BMPR1A: variants seen among roughly 807,000 people sequenced by gnomAD.
BMPR1A encodes bone morphogenetic protein receptor type-1A.
In BMPR1A, 7 loss-of-function variants were observed where a neutral mutation model predicts 66.0. That is an observed-to-expected ratio of 0.11 (90% CI 0.06 to 0.20). The LOEUF (loss-of-function observed/expected upper bound fraction) is 0.20, where lower values mean the gene tolerates loss of function less well. Ranked by LOEUF, BMPR1A falls within the 10% of genes least tolerant of loss-of-function variation. BMPR1A has a pLI of 1.00. For missense variants in BMPR1A, 408 were observed against 669.1 expected, an observed-to-expected ratio of 0.61 and a Z score of 4.31; for synonymous variants, 200 against 229.7, an observed-to-expected ratio of 0.87 and a Z score of 1.17.
chr10:86,784,154 A>G (rs1369936905), intron 1 of BMPR1A, among the ~76,000 whole-genome samples: 1 of 151,996 alleles, frequency 6.6e-6, no homozygotes, highest in Non-Finnish European at 1.5e-5. Context: ...AGAAGTGGTG[A>G]GAGTGGACTT....
intron 1 of BMPR1A, among the ~76,000 whole-genome samples, chr10:86,829,635 T>C (rs1842241529): frequency 6.6e-6 from 1 of 152,366 alleles, no homozygotes; most frequent in East Asian, 1.9e-4. Flanking sequence ...CTCTATGATG[T>C]TGACATTTCG....
At chr10:86,882,076 A>G (rs943069152) in intron 3 of BMPR1A, among the ~76,000 whole-genome samples, 2 of 152,056 alleles carry the variant, frequency 1.3e-5, no homozygotes, top group Admixed American at 1.3e-4. Context: ...CTTCATAATT[A>G]TATGAAAGGG....
chr10:86,809,335 G>A (rs1035709804), intron 1 of BMPR1A, among the ~76,000 whole-genome samples: 1 of 151,116 alleles, frequency 6.6e-6, no homozygotes, highest in Non-Finnish European at 1.5e-5. Flanking sequence ...TGTCACCCAG[G>A]CTGGAGTGCA....
intron 2 of BMPR1A, among the ~76,000 whole-genome samples, chr10:86,852,278 G>A (rs1278545930): frequency 6.6e-6 from 1 of 151,904 alleles, no homozygotes; most frequent in African/African-American, 2.4e-5. Flanking sequence ...GTACACATTG[G>A]GAAATTTAAA....
At chr10:86,876,177 T>C (rs1025549255) in intron 3 of BMPR1A, 92 bp downstream of exon 3, 15 of 1,255,990 alleles carry the variant, frequency 1.2e-5, no homozygotes, top group Non-Finnish European at 1.5e-5. Flanking sequence ...GTTTGAATAG[T>C]TAGGCCCAGC....
chr10:86,808,580 C>T (rs541800310), intron 1 of BMPR1A, among the ~76,000 whole-genome samples: 1 of 152,304 alleles, frequency 6.6e-6, no homozygotes, highest in South Asian at 2.1e-4. Context: ...TAGTTCTCCA[C>T]TCATTGACAA....
At chr10:86,912,795 A>G (rs1221760339) in intron 8 of BMPR1A, among the ~76,000 whole-genome samples, 1 of 152,194 alleles carries the variant, frequency 6.6e-6, no homozygotes, top group East Asian at 1.9e-4. Context: ...TAACTATTTC[A>G]GATTCTGAAA....
At chr10:86,788,822 G>T (rs1841556006) in intron 1 of BMPR1A, among the ~76,000 whole-genome samples, 1 of 152,020 alleles carries the variant, frequency 6.6e-6, no homozygotes, top group Non-Finnish European at 1.5e-5. Flanking sequence ...GGCCAGGCTG[G>T]TCTCGAACTC....
At chr10:86,909,612 A>G (rs1843447929) in intron 7 of BMPR1A, among the ~76,000 whole-genome samples, 1 of 151,004 alleles carries the variant, frequency 6.6e-6, no homozygotes, top group Non-Finnish European at 1.5e-5. Flanking sequence ...AAAAAAGAAA[A>G]AAGAATTAGG....
At chr10:86,844,141 T>C (rs969314167) in intron 2 of BMPR1A, among the ~76,000 whole-genome samples, 1 of 152,228 alleles carries the variant, frequency 6.6e-6, no homozygotes, top group Non-Finnish European at 1.5e-5. Context: ...GTTGGTCTCT[T>C]AATTTGTTTA....
At chr10:86,890,961 C>A (rs540002146) in intron 4 of BMPR1A, among the ~76,000 whole-genome samples, 1 of 152,074 alleles carries the variant, frequency 6.6e-6, no homozygotes, top group Non-Finnish European at 1.5e-5. Flanking sequence ...CTTAATAAGA[C>A]CAAAAAAAAT....
chr10:86,887,645 C>G (rs1192100282), intron 3 of BMPR1A, among the ~76,000 whole-genome samples: 1 of 152,180 alleles, frequency 6.6e-6, no homozygotes, highest in Non-Finnish European at 1.5e-5. Flanking sequence ...TTGCTGTTAT[C>G]TCAAGTGATA....
At chr10:86,884,281 T>G (rs927757999) in intron 3 of BMPR1A, among the ~76,000 whole-genome samples, 5 of 151,830 alleles carry the variant, frequency 3.3e-5, no homozygotes, top group Non-Finnish European at 5.9e-5. Context: ...AGACCAGGTC[T>G]CAGCATGTTT....
chr10:86,759,793 A>G (rs1841003287), intron 1 of BMPR1A, among the ~76,000 whole-genome samples: 1 of 152,148 alleles, frequency 6.6e-6, no homozygotes, highest in Non-Finnish European at 1.5e-5. Flanking sequence ...GTGACCATTT[A>G]GGCCTAGATC....
rs150991310 is a variant in BMPR1A, at chr10:86,824,105, G to GTGTGTGTGTGTGTGTT, written c.-267-14753_-267-14752insGTGTGTGTTTGTGTGT. 4.5e-3 allele frequency among the ~76,000 whole-genome samples: 668 copies of GTGTGTGTGTGTGTGTT among 147,372 alleles called. 4 individuals are homozygous for GTGTGTGTGTGTGTGTT. Among genetic ancestry groups the GTGTGTGTGTGTGTGTT allele is most frequent in the Middle Eastern group, 0.011 (3 of 284 alleles). On this transcript the variant is annotated intron_variant, in intron 1 of 12. Coordinates refer to ENST00000372037, the MANE Select transcript of BMPR1A (RefSeq NM_004329.3). ...GTTGTGTGTGTGTGTGTGTGTGTGT[G>GTGTGTGTGTGTGTGTT]TGTGTGTTTCTTTCAGTCTCACTTG...
intron 1 of BMPR1A, among the ~76,000 whole-genome samples, chr10:86,835,995 A>G (rs1589739044): frequency 6.6e-6 from 1 of 152,206 alleles, no homozygotes; most frequent in Non-Finnish European, 1.5e-5. Context: ...GTCATTAAGA[A>G]GCTTGCATAT....
intron 1 of BMPR1A, among the ~76,000 whole-genome samples, chr10:86,825,365 A>G (rs1177841574): frequency 6.6e-6 from 1 of 152,172 alleles, no homozygotes; most frequent in African/African-American, 2.4e-5. Context: ...TGAATTGCCA[A>G]AATAAACATC....
Position 86,925,314 on chromosome 10 carries a change from AAAAT to A in BMPR1A, c.*1600_*1603del, listed in dbSNP as rs1281788235. Reference sequence around the variant, plus strand: ...AGATAGTTTTATTTGATTATAACATAAAATAAATGTGATTATATCACATCATCAT... The same window carrying A: ...AGATAGTTTTATTTGATTATAACATAAAATGTGATTATATCACATCATCAT... On this transcript the variant is annotated 3_prime_UTR_variant, in exon 13 of 13. Transcript: ENST00000372037. The A allele has an allele frequency of 4.5e-6, 1 of 221,760 alleles. No homozygotes were observed. Among genetic ancestry groups the A allele is most frequent in the East Asian group, 6.7e-5 (1 of 14,816 alleles). 13.7% of individuals were successfully genotyped at this position (221,760 alleles called of 1,614,324 possible). A position where few individuals can be genotyped will look rare whatever the true frequency, so the allele number is the denominator to read the frequency against.
intron 1 of BMPR1A, among the ~76,000 whole-genome samples, chr10:86,825,178 A>G (rs2133035859): frequency 6.6e-6 from 1 of 150,918 alleles, no homozygotes; most frequent in Middle Eastern, 3.4e-3. Context: ...ATCATTGCTC[A>G]CTGCAGCCTC....
Sources: gnomAD v4.1 joint callset for allele counts (sites outside exome capture counted in the v4.1 genomes callset) on GRCh38, gnomAD v4.1.1 for gene constraint, MANE v1.5 for transcripts, NCBI Gene and HGNC (gene_info 2026-07-23, HGNC 2026-07-21) for gene names.